The following GLDC variants were observed in gnomAD, a reference collection of about 807,000 sequenced individuals.
The protein encoded by GLDC is glycine dehydrogenase (decarboxylating), mitochondrial.
In GLDC, 104 loss-of-function variants were observed where a neutral mutation model predicts 121.3. The ratio of observed to expected loss-of-function variants is 0.86; its 90% CI spans 0.73 to 1.01. The LOEUF (loss-of-function observed/expected upper bound fraction) is 1.01, where lower values mean the gene tolerates loss of function less well. Ranked by LOEUF, GLDC falls within the 50% of genes least tolerant of loss-of-function variation. The pLI is 0.00. For synonymous variants in GLDC, 546 were observed against 480.6 expected (o/e 1.14, Z -1.78); for missense variants, 1,429 against 1,306.6 (o/e 1.09, Z -1.44).
chr9:6,568,554 C>G (rs1817893986), intron 15 of GLDC, among the ~76,000 whole-genome samples: 1 of 152,126 alleles, frequency 6.6e-6, no homozygotes, highest in Non-Finnish European at 1.5e-5. Context: ...CCTAGAAAAA[C>G]AAGGCCCTCC....
intron 8 of GLDC, among the ~76,000 whole-genome samples, chr9:6,595,967 A>G (rs570171302): frequency 6.6e-6 from 1 of 152,234 alleles, no homozygotes; most frequent in Non-Finnish European, 1.5e-5. Context: ...GCAAACAAGG[A>G]AGTAAATGAG....
chr9:6,546,018 T>C (rs1327096052), intron 21 of GLDC, among the ~76,000 whole-genome samples: 2 of 152,232 alleles, frequency 1.3e-5, no homozygotes, highest in African/African-American at 4.8e-5. Flanking sequence ...TAAACACAAA[T>C]ACATTGTACA....
intron 2 of GLDC, among the ~76,000 whole-genome samples, chr9:6,627,639 A>G (rs1177068690): frequency 2.6e-5 from 4 of 152,192 alleles, no homozygotes; most frequent in Non-Finnish European, 5.9e-5. Context: ...GTAGGTCCCT[A>G]GTCACGCTTC....
intron 2 of GLDC, among the ~76,000 whole-genome samples, chr9:6,643,184 C>T (rs1386807099): frequency 7.2e-5 from 11 of 152,038 alleles, no homozygotes; most frequent in Non-Finnish European, 1.3e-4. Flanking sequence ...AGGCATTTGC[C>T]ACCGTGCCCA....
chr9:6,592,835 T>C lies in GLDC; in HGVS notation c.1401+16A>G. ...AAATTTGAAAAACTGGTAAAAATAC[T>C]GAAAATTTGACTTACTGTGCCATCC... is the stretch of plus-strand genomic sequence containing the variant. On this transcript the variant is annotated intron_variant, in intron 10 of 24. Coordinates refer to ENST00000321612, the MANE Select transcript of GLDC (RefSeq NM_000170.3). 6.2e-7 allele frequency: 1 copy of C among 1,610,568 alleles called. No homozygotes were observed. Among genetic ancestry groups the C allele is most frequent in the Non-Finnish European group, 8.5e-7 (1 of 1,178,358 alleles).
intron 2 of GLDC, among the ~76,000 whole-genome samples, chr9:6,625,191 TC>T (rs1819205845): frequency 6.6e-6 from 1 of 151,980 alleles, no homozygotes; most frequent in South Asian, 2.1e-4. Context: ...TGCAGCAGCC[TC>T]CCCAACAATC....
At chr9:6,548,808 C>A (rs924526118) in intron 21 of GLDC, among the ~76,000 whole-genome samples, 3 of 152,192 alleles carry the variant, frequency 2.0e-5, no homozygotes, top group Non-Finnish European at 4.4e-5. Context: ...CTTTCCCTTC[C>A]AGGGTGACTT....
chr9:6,579,854 T>C (rs1390356423), intron 15 of GLDC, among the ~76,000 whole-genome samples: 1 of 152,194 alleles, frequency 6.6e-6, no homozygotes, highest in African/African-American at 2.4e-5. Context: ...CTGGGTCCAG[T>C]GAAGTGTGCA....
At chr9:6,540,406 A>G (rs1367901269) in intron 21 of GLDC, 1 of 461,384 alleles carries the variant, frequency 2.2e-6, no homozygotes, top group African/African-American at 2.0e-5. Flanking sequence ...ATTATGGCTA[A>G]TGGCAGGTGG....
chr9:6,631,986 T>C (rs1013347240), intron 2 of GLDC, among the ~76,000 whole-genome samples: 1 of 152,116 alleles, frequency 6.6e-6, no homozygotes, highest in Non-Finnish European at 1.5e-5. Flanking sequence ...GAGGATCTGT[T>C]TGGCCCAGGA....
intron 15 of GLDC, among the ~76,000 whole-genome samples, chr9:6,580,714 T>C (rs1314726293): frequency 1.3e-5 from 2 of 152,220 alleles, no homozygotes; most frequent in South Asian, 2.1e-4. Flanking sequence ...AGTTATTGGC[T>C]TCTGTGCACA....
chr9:6,588,739 G>A (rs2129837744), intron 12 of GLDC, 37 bp from the exon 13 acceptor site: 1 of 1,172,106 alleles, frequency 8.5e-7, no homozygotes, highest in South Asian at 1.2e-5. Context: ...GGCCCCAAAA[G>A]TAGATATGAG....
rs113175145 is a variant in GLDC at position 6,608,257 on chromosome 9, CA to C, written c.636-1589del. On this transcript the variant is annotated intron_variant, in intron 4 of 24. Coordinates refer to ENST00000321612, the MANE Select transcript of GLDC (RefSeq NM_000170.3). The stretch of plus-strand genomic sequence containing the variant: ...TGAAACCCCATCTCTACTAAAAATA[CA>C]AAAAAAAAAAACCCTTAGCCGGGCG... Among the ~76,000 whole-genome samples the C allele has an allele frequency of 5.0e-3, 647 of 128,782 alleles. 2 individuals are homozygous for C. Among genetic ancestry groups the C allele is most frequent in the African/African-American group, 0.015 (527 of 34,794 alleles). 84.5% of individuals were successfully genotyped at this position (128,782 alleles called of 152,430 possible).
intron 15 of GLDC, among the ~76,000 whole-genome samples, chr9:6,577,398 C>T (rs76697392): frequency 1.3e-5 from 2 of 152,338 alleles, no homozygotes; most frequent in African/African-American, 4.8e-5. Context: ...CCAGGGCAAG[C>T]TTCAAAGCCA....
chr9:6,643,831 C>T (rs1216595351), intron 2 of GLDC, among the ~76,000 whole-genome samples: 1 of 151,250 alleles, frequency 6.6e-6, no homozygotes, highest in African/African-American at 2.4e-5. Context: ...GTCAGGAGTT[C>T]GACACCAGCC....
chr9:6,574,525 C>A (rs1360156063), intron 15 of GLDC, among the ~76,000 whole-genome samples: 1 of 151,938 alleles, frequency 6.6e-6, no homozygotes, highest in Non-Finnish European at 1.5e-5. Context: ...ATAGGCTCCA[C>A]TCCACGAATA....
In GLDC at chr9:6,641,276, C is replaced by T. The variant is rs1415480309; in HGVS notation, c.334+3338G>A. Among the ~76,000 whole-genome samples, 4 of 152,216 alleles carry T rather than the reference C, an allele frequency of 2.6e-5. No individual in the cohort carries two copies. In the South Asian group the frequency reaches 6.2e-4, roughly 24 times the overall value. On this transcript the variant is annotated intron_variant, in intron 2 of 24. Coordinates refer to ENST00000321612, the MANE Select transcript of GLDC (RefSeq NM_000170.3). ...TGCTCATTCTTCAGTATTGCACTTC[C>T]GTGACCCCTTCCCTTGCCCTAGCAG... is the stretch of plus-strand genomic sequence containing the variant.
At chr9:6,621,004 C>G (rs1275289469) in intron 2 of GLDC, among the ~76,000 whole-genome samples, 2 of 151,942 alleles carry the variant, frequency 1.3e-5, no homozygotes, top group Non-Finnish European at 2.9e-5. Context: ...CCCGTCTCTA[C>G]CAAAAAAGGC....
chr9:6,605,742 G>A, intron 5 of GLDC: 1 of 239,878 alleles, frequency 4.2e-6, no homozygotes, highest in African/African-American at 2.2e-5. Flanking sequence ...GTATGGGTAG[G>A]GGGAAGAATG....
Sources: allele counts gnomAD v4.1 joint callset (sites outside exome capture counted in the v4.1 genomes callset), GRCh38; gene constraint gnomAD v4.1.1; transcripts MANE v1.5; gene names NCBI Gene and HGNC (gene_info 2026-07-23, HGNC 2026-07-21).